Variants in TSPAN18 observed in about 807,000 individuals in gnomAD.
TSPAN18 encodes the protein tetraspanin-18.
Under a neutral mutation model 27.3 loss-of-function variants are expected in TSPAN18, and 14 were observed. The observed-to-expected ratio is 0.51, with a 90% confidence interval of 0.34 to 0.80. The LOEUF is 0.80. Ranked by LOEUF, TSPAN18 falls within the 30% of genes least tolerant of loss-of-function variation. The pLI, the probability that TSPAN18 is intolerant of heterozygous loss-of-function variation, is 0.01. For synonymous variants in TSPAN18, 143 were observed against 136.5 expected (o/e 1.05, Z -0.33); for missense variants, 268 against 323.9 (o/e 0.83, Z 1.32).
chr11:44,925,962 TATCTCGATCTCG>T (rs1165410801), intron 8 of TSPAN18, among the ~76,000 whole-genome samples: 1 of 152,134 alleles, frequency 6.6e-6, no homozygotes, highest in East Asian at 1.9e-4. Flanking sequence ...TCTATCTATC[TATCTCGATCTCG>T]ATCTCGATCT....
intron 3 of TSPAN18, among the ~76,000 whole-genome samples, chr11:44,865,680 C>CT (rs1430712372): frequency 1.3e-5 from 2 of 152,110 alleles, no homozygotes; most frequent in African/African-American, 2.4e-5. Flanking sequence ...AACTTTTCTT[C>CT]TTTTTTTTCT....
intron 2 of TSPAN18, among the ~76,000 whole-genome samples, chr11:44,767,219 C>T (rs1465100803): frequency 1.3e-5 from 2 of 152,208 alleles, no homozygotes; most frequent in African/African-American, 4.8e-5. Flanking sequence ...AGCAGTTCAT[C>T]CCAAGCCTCT....
rs183468609 is a variant in TSPAN18 at position 44,823,491 on chromosome 11, A to G, written c.-152-36837A>G. Among the ~76,000 whole-genome samples, 200 of 152,242 alleles carry G rather than the reference A, an allele frequency of 1.3e-3. 1 individual carries two copies. Among genetic ancestry groups the G allele is most frequent in the Middle Eastern group, 0.01 (3 of 294 alleles). On this transcript the variant is annotated intron_variant, in intron 2 of 9. Transcript: ENST00000520358. The stretch of plus-strand genomic sequence containing the variant: ...CATGCCAATTGATTTAGGAGTATGC[A>G]AAAAAGGTTAAAGTAAAGACACCAC...
intron 2 of TSPAN18, among the ~76,000 whole-genome samples, chr11:44,777,227 G>A (rs141093240): frequency 1.0e-3 from 152 of 152,282 alleles, no homozygotes; most frequent in African/African-American, 3.6e-3. Flanking sequence ...ATCTCAAGAG[G>A]TGTTTGTTTT....
chr11:44,831,103 A>C (rs975863296), intron 2 of TSPAN18, among the ~76,000 whole-genome samples: 2 of 152,140 alleles, frequency 1.3e-5, no homozygotes, highest in Non-Finnish European at 2.9e-5. Flanking sequence ...ACACAGCAAG[A>C]CTCTGTCTCA....
chr11:44,853,151 G>A (rs835809), intron 2 of TSPAN18, among the ~76,000 whole-genome samples: 117,660 of 152,078 alleles, frequency 0.77, 45,899 homozygotes, highest in East Asian at 0.89. Flanking sequence ...GGAGAGGGAC[G>A]TGGTCCAAGC....
intron 1 of TSPAN18, among the ~76,000 whole-genome samples, chr11:44,742,348 C>G (rs374084197): frequency 6.8e-6 from 1 of 146,556 alleles, no homozygotes; most frequent in African/African-American, 2.5e-5. Context: ...TTTCCTCCCT[C>G]CCTCCTTCCT....
At chr11:44,760,467 A>G (rs142834695) in intron 1 of TSPAN18, among the ~76,000 whole-genome samples, 72 of 152,314 alleles carry the variant, frequency 4.7e-4, no homozygotes, top group African/African-American at 1.7e-3. Flanking sequence ...TTGCACAGGG[A>G]TGCTCTGTTT....
intron 2 of TSPAN18, among the ~76,000 whole-genome samples, chr11:44,807,527 CAAAA>C (rs59241339): frequency 3.1e-5 from 2 of 64,480 alleles, no homozygotes; most frequent in Non-Finnish European, 5.3e-5. Context: ...AACTCCATCT[CAAAA>C]AAAAAAAAAA....
chr11:44,920,806 G>A (rs887884179), intron 8 of TSPAN18, among the ~76,000 whole-genome samples: 1 of 152,220 alleles, frequency 6.6e-6, no homozygotes, highest in Non-Finnish European at 1.5e-5. Flanking sequence ...CAGGGGACAG[G>A]AGACAAGGCC....
At chr11:44,893,903 A>G (rs1565195243) in intron 3 of TSPAN18, among the ~76,000 whole-genome samples, 1 of 152,118 alleles carries the variant, frequency 6.6e-6, no homozygotes, top group African/African-American at 2.4e-5. Flanking sequence ...CCTGGCAGTC[A>G]GGGTTTCGTT....
intron 5 of TSPAN18, among the ~76,000 whole-genome samples, chr11:44,915,939 C>A (rs1413313155): frequency 2.6e-5 from 4 of 152,192 alleles, no homozygotes; most frequent in African/African-American, 9.7e-5. Flanking sequence ...CTCAGGGGCT[C>A]AGGAGCCCAT....
chr11:44,851,619 C>CCCG (rs1554991779), intron 2 of TSPAN18, among the ~76,000 whole-genome samples: 2 of 147,786 alleles, frequency 1.4e-5, no homozygotes, highest in African/African-American at 4.9e-5. Context: ...GTCACCTCCC[C>CCCG]CCCCCAACGG....
chr11:44,901,765 A>T (rs1316993001), intron 3 of TSPAN18, among the ~76,000 whole-genome samples: 1 of 152,184 alleles, frequency 6.6e-6, no homozygotes, highest in Non-Finnish European at 1.5e-5. Flanking sequence ...AGAGCACAGG[A>T]TGTGGAGTTG....
At chr11:44,915,625 GGA>G (rs1859876297) in intron 5 of TSPAN18, among the ~76,000 whole-genome samples, 1 of 152,178 alleles carries the variant, frequency 6.6e-6, no homozygotes, top group Non-Finnish European at 1.5e-5. Flanking sequence ...GCTGACCTGT[GGA>G]GACAGACTCA....
At position 44,929,518 on chromosome 11, in the gene TSPAN18, A is replaced by C. The variant is rs1860490951; in HGVS notation, c.*340A>C. 9.7e-6 allele frequency: 3 copies of C among 308,504 alleles called. No individual in the cohort carries two copies. Among genetic ancestry groups the C allele is most frequent in the South Asian group, 1.7e-4 (2 of 11,868 alleles). 19.1% of individuals were successfully genotyped at this position (308,504 alleles called of 1,614,324 possible). A position where few individuals can be genotyped will look rare whatever the true frequency, so the allele number is the denominator to read the frequency against. ...GCCAGACCCTGGGCCCTCTCTCCTC[A>C]CTGCACCAGGACCTGATGCCAAGAA... On this transcript the variant is annotated 3_prime_UTR_variant, in exon 10 of 10. Transcript: ENST00000520358.
At chr11:44,818,282 TGG>T (rs977236936) in intron 2 of TSPAN18, among the ~76,000 whole-genome samples, 7 of 152,154 alleles carry the variant, frequency 4.6e-5, no homozygotes. Flanking sequence ...CAGCCCTCCC[TGG>T]GCAGGGGATG....
chr11:44,858,241 C>T (rs1211346330), intron 2 of TSPAN18, among the ~76,000 whole-genome samples: 1 of 152,218 alleles, frequency 6.6e-6, no homozygotes, highest in Non-Finnish European at 1.5e-5. Context: ...ATCTGGGTAT[C>T]TCCACGCCTA....
chr11:44,841,603 T>A lies in TSPAN18; in HGVS notation c.-152-18725T>A, dbSNP rs78117399. 8.1e-3 allele frequency among the ~76,000 whole-genome samples: 1,229 copies of A among 152,062 alleles called. 14 individuals carry two copies. The highest frequency in any genetic ancestry group is 0.011 in the Non-Finnish European group (752 of 68,004). ...ATAAGAAAGGCTGCCTTACTTACAG[T>A]AGTCAGGAAAGGCCTTTATGGAGGG... On this transcript the variant is annotated intron_variant, in intron 2 of 9. Coordinates refer to ENST00000520358, the MANE Select transcript of TSPAN18 (RefSeq NM_130783.5).
Sources: gnomAD v4.1 joint callset for allele counts (sites outside exome capture counted in the v4.1 genomes callset) on GRCh38, gnomAD v4.1.1 for gene constraint, MANE v1.5 for transcripts, NCBI Gene and HGNC (gene_info 2026-07-23, HGNC 2026-07-21) for gene names.